PIP5K1A: variants seen among roughly 807,000 people sequenced by gnomAD.
PIP5K1A encodes the protein phosphatidylinositol 4-phosphate 5-kinase type-1 alpha.
Under a neutral mutation model 72.9 loss-of-function variants are expected in PIP5K1A, and 46 were observed. That is an observed-to-expected ratio of 0.63 (90% confidence interval 0.50 to 0.81). The LOEUF is 0.81. Among genes scored for constraint, PIP5K1A ranks in the 30% least tolerant of loss-of-function variants. The probability of loss-of-function intolerance (pLI) is 0.00; values close to 1 mark genes in which losing one functional copy is unlikely to be tolerated. For missense variants in PIP5K1A, 458 were observed against 706.1 expected (o/e 0.65, Z 3.98); for synonymous variants, 228 against 255.1 (o/e 0.89, Z 1.01).
At chr1:151,208,022 C>T (rs1301756769) in intron 1 of PIP5K1A, among the ~76,000 whole-genome samples, 1 of 151,982 alleles carries the variant, frequency 6.6e-6, no homozygotes. Flanking sequence ...CCACGCCTGG[C>T]TAATTTTTGT....
chr1:151,239,359 G>A (rs184965052), intron 11 of PIP5K1A, among the ~76,000 whole-genome samples, 181 bp downstream of exon 11: 3 of 147,648 alleles, frequency 2.0e-5, no homozygotes, highest in East Asian at 2.0e-4. Flanking sequence ...TGCAACCTCC[G>A]TCTCGCAGTT....
In PIP5K1A at chr1:151,215,742, C is replaced by A. The variant is rs186261150; in HGVS notation, c.86-8503C>A. On this transcript the variant is annotated intron_variant, in intron 1 of 15. Coordinates refer to ENST00000368888, the MANE Select transcript of PIP5K1A (RefSeq NM_001135638.2). ...TGAAGTACAAGTTTTGTGACTGCTC[C>A]GAGAATTTTTGTGTCAGAGGCTTCT... Among the ~76,000 whole-genome samples the A allele has an allele frequency of 4.4e-3, 670 of 152,196 alleles. 5 individuals are homozygous for A. Among genetic ancestry groups the A allele is most frequent in the Middle Eastern group, 0.014 (4 of 294 alleles).
chr1:151,200,318 A>G (rs960457362), intron 1 of PIP5K1A, among the ~76,000 whole-genome samples: 8 of 151,194 alleles, frequency 5.3e-5, no homozygotes, highest in African/African-American at 1.9e-4. Flanking sequence ...AGCTCAGCGT[A>G]TTAATAGTTA....
intron 1 of PIP5K1A, among the ~76,000 whole-genome samples, chr1:151,206,579 T>G (rs772144148): frequency 7.9e-5 from 12 of 152,188 alleles, no homozygotes; most frequent in Admixed American, 2.6e-4. Flanking sequence ...TTTGTTTTGT[T>G]TTTTGAGGCG....
intron 14 of PIP5K1A, among the ~76,000 whole-genome samples, chr1:151,244,831 T>C (rs950758023): frequency 1.3e-5 from 2 of 152,190 alleles, no homozygotes; most frequent in Non-Finnish European, 2.9e-5. Context: ...CAATACCTTT[T>C]GTTTTTCTGA....
At chr1:151,235,024 C>G (rs1690654230) in intron 8 of PIP5K1A, among the ~76,000 whole-genome samples, 1 of 152,180 alleles carries the variant, frequency 6.6e-6, no homozygotes, top group African/African-American at 2.4e-5. Context: ...AACTTTTTAT[C>G]CTATTTCATC....
intron 9 of PIP5K1A, 28 bp downstream of exon 9, chr1:151,236,791 G>T: frequency 7.2e-7 from 1 of 1,394,326 alleles, no homozygotes; most frequent in Admixed American, 1.8e-5. Context: ...CACTAGGGGG[G>T]AGAACATAGG....
At chr1:151,199,600 T>A (rs587714839) in intron 1 of PIP5K1A, among the ~76,000 whole-genome samples, 13 of 142,862 alleles carry the variant, frequency 9.1e-5, no homozygotes, top group East Asian at 6.1e-4. Flanking sequence ...GGCGAGAGAG[T>A]GAGACCCTGT....
At chr1:151,242,078 T>C in intron 12 of PIP5K1A, 45 bp from the exon 13 acceptor site, 1 of 1,602,892 alleles carries the variant, frequency 6.2e-7, no homozygotes, top group Non-Finnish European at 8.5e-7. Flanking sequence ...TTGGTAATAG[T>C]TGCTAAGGTA....
chr1:151,200,109 A>G (rs1049345419), intron 1 of PIP5K1A, among the ~76,000 whole-genome samples: 2 of 151,502 alleles, frequency 1.3e-5, no homozygotes, highest in African/African-American at 4.8e-5. Flanking sequence ...GATGGGAAAG[A>G]TGGAATGGAG....
rs186593438 is a variant in PIP5K1A, at chr1:151,220,439, T to G, written c.86-3806T>G. On this transcript the variant is annotated intron_variant, in intron 1 of 15. Transcript: ENST00000368888. ...TCAGATGCATGTGAAGTAGAGAGAATAGTATAATGAACCTCCATATACTTA... is the reference window on the plus strand; with the variant it reads ...TCAGATGCATGTGAAGTAGAGAGAAGAGTATAATGAACCTCCATATACTTA... Among the ~76,000 whole-genome samples, 231 of 152,176 alleles carry G rather than the reference T, an allele frequency of 1.5e-3. 1 individual carries two copies. Among genetic ancestry groups the G allele is most frequent in the African/African-American group, 5.4e-3 (225 of 41,532 alleles).
Position 151,227,413 on chromosome 1 carries a change from G to A in PIP5K1A, c.237+13G>A. The A allele has an allele frequency of 6.3e-7, 1 of 1,577,870 alleles. No homozygotes were observed. Among genetic ancestry groups the A allele is most frequent in the South Asian group, 1.1e-5 (1 of 90,098 alleles). On this transcript the variant is annotated intron_variant, in intron 4 of 15. Coordinates refer to ENST00000368888, the MANE Select transcript of PIP5K1A (RefSeq NM_001135638.2). Reference sequence around the variant, plus strand: ...AACATATAAAAAGGTGTGTCTGGATGAAACCGTCTCATCTTACTCCAGGAG... The same window carrying A: ...AACATATAAAAAGGTGTGTCTGGATAAAACCGTCTCATCTTACTCCAGGAG...
chr1:151,199,187 G>A (rs952718406), intron 1 of PIP5K1A, 106 bp downstream of exon 1: 2 of 1,577,986 alleles, frequency 1.3e-6, no homozygotes, highest in Admixed American at 3.6e-5. Context: ...ACGTGTTACC[G>A]GTAAGTGGGC....
chr1:151,206,059 CAG>C (rs1449249941), intron 1 of PIP5K1A, among the ~76,000 whole-genome samples: 2 of 152,110 alleles, frequency 1.3e-5, no homozygotes, highest in African/African-American at 4.8e-5. Context: ...CCCATCTAAA[CAG>C]AGAATTTAAT....
At chr1:151,199,246 G>C in intron 1 of PIP5K1A, 165 bp downstream of exon 1, 1 of 1,344,010 alleles carries the variant, frequency 7.4e-7, no homozygotes, top group African/African-American at 1.5e-5. Context: ...GGAGTTTGAG[G>C]AAAGGATAAG....
At chr1:151,246,702 AG>A (rs1692559642) in intron 14 of PIP5K1A, among the ~76,000 whole-genome samples, 2 of 152,190 alleles carry the variant, frequency 1.3e-5, no homozygotes, top group Admixed American at 1.3e-4. Flanking sequence ...AGAAGAGGGC[AG>A]GGTACTGGGA....
At chr1:151,195,438 G>T (rs2101739438), upstream of PIP5K1A, 1 of 152,236 alleles carries the variant, frequency 6.6e-6, no homozygotes, top group East Asian at 1.9e-4. Flanking sequence ...CGTCACCACA[G>T]TTCTACTATG....
In PIP5K1A at chr1:151,198,792, G is replaced by C. The variant is rs1460638265; in HGVS notation, c.-205G>C. The C allele has an allele frequency of 6.1e-6, 4 of 651,136 alleles. No homozygotes were observed. Among genetic ancestry groups the C allele is most frequent in the African/African-American group, 5.4e-5 (3 of 55,502 alleles). The allele number at this position is 651,136 out of a possible 1,614,324, so 40.3% of individuals were successfully genotyped here. A position where few individuals can be genotyped will look rare whatever the true frequency, so the allele number is the denominator to read the frequency against. ...CTTGTGGAGGGGGTGCGGGACGTGAGTTCTTCCCCATGCCAGGCGAATGGT... is the reference window on the plus strand; with the variant it reads ...CTTGTGGAGGGGGTGCGGGACGTGACTTCTTCCCCATGCCAGGCGAATGGT... On this transcript the variant is annotated 5_prime_UTR_variant, in exon 1 of 16. Transcript: ENST00000368888.
intron 1 of PIP5K1A, among the ~76,000 whole-genome samples, chr1:151,213,973 T>A (rs149091135): frequency 3.3e-5 from 5 of 152,346 alleles, no homozygotes; most frequent in Admixed American, 3.3e-4. Flanking sequence ...AACATTTTGG[T>A]ATATAATCTT....
Sources: allele counts gnomAD v4.1 joint callset (sites outside exome capture counted in the v4.1 genomes callset), GRCh38; gene constraint gnomAD v4.1.1; transcripts MANE v1.5; gene names NCBI Gene and HGNC (gene_info 2026-07-23, HGNC 2026-07-21).